PRTG: variants seen among roughly 807,000 people sequenced by gnomAD.
PRTG encodes protogenin, also known as immunoglobulin superfamily, DCC subclass, member 5.
PRTG carries 67 observed loss-of-function variants against 122.5 expected under a neutral mutation model. That is an observed-to-expected ratio of 0.55 (90% CI 0.45 to 0.67). The LOEUF (loss-of-function observed/expected upper bound fraction) is 0.67. Ranked by LOEUF, PRTG falls within the 30% of genes least tolerant of loss-of-function variation. The probability of loss-of-function intolerance (pLI) is 0.00; values close to 1 mark genes in which losing one functional copy is unlikely to be tolerated. For missense variants in PRTG, 1,435 were observed against 1,415.4 expected, an observed-to-expected ratio of 1.01 and a Z score of -0.22; for synonymous variants, 554 against 501.1, an observed-to-expected ratio of 1.11 and a Z score of -1.41.
intron 2 of PRTG, among the ~76,000 whole-genome samples, chr15:55,715,904 AC>A (rs1160754396): frequency 6.6e-6 from 1 of 152,224 alleles, no homozygotes; most frequent in Non-Finnish European, 1.5e-5. Context: ...CTGAATTGGC[AC>A]CAGTTGGAGA....
At chr15:55,653,653 G>C (rs930017862) in intron 11 of PRTG, among the ~76,000 whole-genome samples, 2 of 152,026 alleles carry the variant, frequency 1.3e-5, no homozygotes, top group Non-Finnish European at 2.9e-5. Context: ...TAGTAGAGAC[G>C]GGGTTTTGCC....
intron 2 of PRTG, among the ~76,000 whole-genome samples, chr15:55,689,009 AT>A (rs2059585812): frequency 6.6e-6 from 1 of 152,182 alleles, no homozygotes; most frequent in Non-Finnish European, 1.5e-5. Flanking sequence ...GTTCCCACTG[AT>A]TTTAACTCCT....
At chr15:55,673,260 A>G in intron 10 of PRTG, 111 bp downstream of exon 10, 2 of 814,182 alleles carry the variant, frequency 2.5e-6, no homozygotes, top group Non-Finnish European at 3.8e-6. Flanking sequence ...TCATCTATGG[A>G]ATATTTTTAT....
At chr15:55,694,814 C>G (rs912676106) in intron 2 of PRTG, among the ~76,000 whole-genome samples, 2 of 152,168 alleles carry the variant, frequency 1.3e-5, no homozygotes, top group Non-Finnish European at 2.9e-5. Flanking sequence ...TCTCAGCTTA[C>G]TTCCTTCCCC....
chr15:55,627,836 A>T (rs2059204076), intron 16 of PRTG, among the ~76,000 whole-genome samples: 1 of 152,102 alleles, frequency 6.6e-6, no homozygotes, highest in Admixed American at 6.5e-5. Context: ...AGGGCTTCTC[A>T]AACTTTCATG....
At chr15:55,660,439 A>G (rs1484995196) in intron 11 of PRTG, among the ~76,000 whole-genome samples, 1 of 152,190 alleles carries the variant, frequency 6.6e-6, no homozygotes, top group Non-Finnish European at 1.5e-5. Flanking sequence ...CATTCACCAG[A>G]AACTTCCAGA....
chr15:55,636,663 C>A lies in PRTG; in HGVS notation c.2623+507G>T, dbSNP rs573529332. Among the ~76,000 whole-genome samples, 7 of 151,988 alleles carry A rather than the reference C, an allele frequency of 4.6e-5. No individual in the cohort carries two copies. In the South Asian group the frequency reaches 6.3e-4, roughly 14 times the overall value. ...AACCAAACCTCTTTTTTTTACCCCC[C>A]CGAGACAGAGTCTTGTTCTTGTTGC... is the stretch of plus-strand genomic sequence containing the variant. On this transcript the variant is annotated intron_variant, in intron 15 of 19. Transcript: ENST00000389286.
intron 2 of PRTG, among the ~76,000 whole-genome samples, chr15:55,731,387 T>TG (rs2031227399): frequency 6.7e-6 from 1 of 148,830 alleles, no homozygotes; most frequent in Non-Finnish European, 1.5e-5. Flanking sequence ...TTTTTTTTTT[T>TG]GGAGATGCAG....
chr15:55,623,837 C>T (rs956110549), intron 18 of PRTG, among the ~76,000 whole-genome samples: 1 of 152,184 alleles, frequency 6.6e-6, no homozygotes, highest in Non-Finnish European at 1.5e-5. Flanking sequence ...CAACTTTCTT[C>T]AGCCATAAAA....
rs764364318 is a variant in PRTG at position 55,620,153 on chromosome 15, G to T, written c.3312C>A (p.Pro1104=). 5.6e-6 allele frequency: 9 copies of T among 1,614,048 alleles called. No individual in the cohort carries two copies. The African/African-American group carries it at 1.2e-4, about 22-fold the overall frequency. ...GTTCTGTATCAGCTGCAACACCAAA[G>T]GGTCTTGAGAAGCTGGTTGTCTGAC... The part of the protein sequence containing the change: ...SPGQTTSFSR[P]FGVAADTEHS... Residue 1104 remains proline (P), a synonymous_variant, in exon 20 of 20, where the codon CCC becomes CCA. Coordinates refer to ENST00000389286, the MANE Select transcript of PRTG (RefSeq NM_173814.6).
chr15:55,684,354 T>A lies in PRTG; in HGVS notation c.398-423A>T, dbSNP rs1035974906. ...TGGTTTTGAATTAGCTTTTGAAGAA[T>A]CCACTGGATTTAGATGGGGGTGGTG... On this transcript the variant is annotated intron_variant, in intron 2 of 19. Transcript: ENST00000389286. Among the ~76,000 whole-genome samples, 6 of 152,204 alleles carry A rather than the reference T, an allele frequency of 3.9e-5. No homozygotes were observed. In the South Asian group the frequency reaches 1.2e-3, roughly 31 times the overall value.
intron 14 of PRTG, 126 bp from the exon 15 acceptor site, chr15:55,637,466 C>T (rs1054718100): frequency 1.5e-6 from 1 of 666,982 alleles, no homozygotes; most frequent in African/African-American, 1.8e-5. Flanking sequence ...TCACAGCTTT[C>T]AAAGATCATT....
rs2059126312 is a variant in PRTG at position 55,612,737 on chromosome 15, T to TATATATAC, written c.*7274_*7275insGTATATAT. The TATATATAC allele has an allele frequency of 9.2e-5, 5 of 54,326 alleles. No homozygotes were observed. Among genetic ancestry groups the TATATATAC allele is most frequent in the African/African-American group, 2.3e-4 (5 of 21,680 alleles). 3.4% of individuals were successfully genotyped at this position (54,326 alleles called of 1,614,324 possible). A position where few individuals can be genotyped will look rare whatever the true frequency, so the allele number is the denominator to read the frequency against. Reference sequence around the variant, plus strand: ...ATATATATATATATATATATATATATATATATATATATGACTTAAATTGGA... The same window carrying TATATATAC: ...ATATATATATATATATATATATATATATATATACATATATATATATGACTTAAATTGGA... On this transcript the variant is annotated 3_prime_UTR_variant, in exon 20 of 20. Transcript: ENST00000389286.
chr15:55,671,214 G>T (rs779606484), intron 11 of PRTG, among the ~76,000 whole-genome samples: 20 of 152,262 alleles, frequency 1.3e-4, no homozygotes, highest in Non-Finnish European at 2.5e-4. Flanking sequence ...ATGAGTCCAG[G>T]GAAGGACACA....
intron 6 of PRTG, chr15:55,679,791 ATGTGTGTAGGTGTGATGG>A: frequency 2.2e-6 from 1 of 464,794 alleles, no homozygotes; most frequent in Non-Finnish European, 3.8e-6. Context: ...GTACACGGAT[ATGTGTGTAGGTGTGATGG>A]AGATAGAAGG....
rs894043944 is a variant in PRTG at position 55,615,745 on chromosome 15, C to G, written c.*4267G>C. The G allele has an allele frequency of 2.6e-5, 4 of 151,870 alleles. No homozygotes were observed. In the South Asian group the frequency reaches 6.2e-4, roughly 24 times the overall value. The allele number at this position is 151,870 out of a possible 1,614,324, so 9.4% of individuals were successfully genotyped here. A position where few individuals can be genotyped will look rare whatever the true frequency, so the allele number is the denominator to read the frequency against. ...GAGTTTTTTTTTTACATTCAGTATT[C>G]AAAATTTACATTCAGTGAAACAGAA... is the stretch of plus-strand genomic sequence containing the variant. On this transcript the variant is annotated 3_prime_UTR_variant, in exon 20 of 20. Transcript: ENST00000389286.
At chr15:55,694,406 TCTCA>T (rs2059621197) in intron 2 of PRTG, among the ~76,000 whole-genome samples, 2 of 152,280 alleles carry the variant, frequency 1.3e-5, no homozygotes, top group South Asian at 4.1e-4. Flanking sequence ...TCTTTTAACT[TCTCA>T]CTCTTTGGGT....
At chr15:55,734,251 A>G (rs1204860721) in intron 2 of PRTG, among the ~76,000 whole-genome samples, 5 of 152,226 alleles carry the variant, frequency 3.3e-5, no homozygotes, top group South Asian at 4.1e-4. Context: ...AATGGAAGAT[A>G]AGCCACTGAG....
At chr15:55,735,960 C>T (rs1472782201) in intron 2 of PRTG, among the ~76,000 whole-genome samples, 3 of 152,146 alleles carry the variant, frequency 2.0e-5, no homozygotes, top group African/African-American at 7.2e-5. Flanking sequence ...CTTCACTTGA[C>T]TTATGTAATA....
Sources: allele counts gnomAD v4.1 joint callset (sites outside exome capture counted in the v4.1 genomes callset), GRCh38; gene constraint gnomAD v4.1.1; transcripts MANE v1.5; gene names NCBI Gene and HGNC (gene_info 2026-07-23, HGNC 2026-07-21).